The following FGF13 variants were observed in gnomAD, a reference collection of about 807,000 sequenced individuals.
FGF13 encodes fibroblast growth factor homologous factor 2.
In FGF13, 2 loss-of-function variants were observed where a neutral mutation model predicts 19.5. The observed-to-expected ratio is 0.10, with a 90% confidence interval of 0.04 to 0.32. The LOEUF (loss-of-function observed/expected upper bound fraction) is 0.32. FGF13 is among the 10% of genes least tolerant of loss of function. FGF13 has a pLI of 1.00. For synonymous variants in FGF13, 72 were observed against 76.9 expected (o/e 0.94, Z 0.33); for missense variants, 113 against 192.7 (o/e 0.59, Z 2.45).
chrX:138,759,586 G>T (rs1005235082), intron 3 of FGF13, among the ~76,000 whole-genome samples: 1 of 111,910 alleles, frequency 8.9e-6, no homozygotes, highest in Non-Finnish European at 1.9e-5. Context: ...AACCTTCTCA[G>T]TGCAGTCCCG....
intron 1 of FGF13, among the ~76,000 whole-genome samples, chrX:138,717,562 A>G (rs1485698549): frequency 3.6e-5 from 4 of 110,387 alleles, no homozygotes; most frequent in African/African-American, 1.3e-4. Context: ...TGAGAAGGCA[A>G]AGGTCCCCTC....
intron 3 of FGF13, among the ~76,000 whole-genome samples, chrX:138,812,003 C>T (rs2090929589): frequency 9.1e-6 from 1 of 109,701 alleles, no homozygotes; most frequent in Non-Finnish European, 1.9e-5. Flanking sequence ...CAACCATCAC[C>T]ACAATCAATT....
chrX:138,975,630 T>A (rs1438475362), intron 1 of FGF13, among the ~76,000 whole-genome samples: 2 of 111,214 alleles, frequency 1.8e-5, no homozygotes, highest in Non-Finnish European at 3.8e-5. Flanking sequence ...GAAGAATGGG[T>A]AGTTCTTTTG....
At chrX:139,028,573 G>A (rs1649118600) in intron 1 of FGF13, among the ~76,000 whole-genome samples, 1 of 86,545 alleles carries the variant, frequency 1.2e-5, no homozygotes, top group Non-Finnish European at 2.3e-5. Context: ...AAGAGAGAGG[G>A]AGAGAGAGCG....
rs767098638 is a variant in FGF13, at chrX:138,769,390, C to G, written c.218-60462G>C. ...TGTAACTTTTTACAAGTTACTTAAC[C>G]TCTCTGTGCTTCAGTATTGTTATAA... On this transcript the variant is annotated intron_variant, in intron 3 of 6. Coordinates refer to the FGF13 transcript ENST00000436198. 1.1e-4 allele frequency among the ~76,000 whole-genome samples: 12 copies of G among 111,854 alleles called. No homozygotes were observed. The East Asian group carries it at 3.4e-3, about 32-fold the overall frequency.
rs994638400 is a variant in FGF13, at chrX:139,073,944, T to A, written c.-113+129472A>T. Among the ~76,000 whole-genome samples the A allele has an allele frequency of 3.5e-5, 4 of 112,856 alleles. No individual in the cohort carries two copies. In the Admixed American group the frequency reaches 3.7e-4, roughly 11 times the overall value. On this transcript the variant is annotated intron_variant, in intron 1 of 2. Coordinates refer to the FGF13 transcript ENST00000421460. ...TGTTATAGCCCTGAAAGGCACTTTC[T>A]TTTTAATTCTGTTTGGAAGTGTTTG...
chrX:138,967,215 T>C (rs2091898708), intron 1 of FGF13, among the ~76,000 whole-genome samples: 1 of 110,499 alleles, frequency 9.0e-6, no homozygotes, highest in African/African-American at 3.3e-5. Flanking sequence ...TTTAACTCTT[T>C]AATACAGCAG....
intron 1 of FGF13, among the ~76,000 whole-genome samples, chrX:139,011,206 G>T (rs1249873586): frequency 9.0e-6 from 1 of 110,529 alleles, no homozygotes; most frequent in African/African-American, 3.3e-5. Context: ...TGGACTCACA[G>T]CTGAATTCTA....
At chrX:138,711,732 C>T, upstream of FGF13, 1 of 744,420 alleles carries the variant, frequency 1.3e-6, no homozygotes, top group Non-Finnish European at 1.6e-6. Context: ...TCCTTGCAGC[C>T]CCCTCCCGCG....
chrX:139,164,040 A>G (rs1462133811), intron 1 of FGF13, among the ~76,000 whole-genome samples: 3 of 110,681 alleles, frequency 2.7e-5, no homozygotes, highest in Non-Finnish European at 5.7e-5. Flanking sequence ...GGGGGCTGAC[A>G]GCTCTGAAAT....
At chrX:138,972,076 GTGTA>G (rs1271393813) in intron 1 of FGF13, among the ~76,000 whole-genome samples, 3 of 109,628 alleles carry the variant, frequency 2.7e-5, no homozygotes, top group South Asian at 3.9e-4. Flanking sequence ...GTGTGTGTGT[GTGTA>G]TATCACATTT....
chrX:139,166,524 G>C (rs1225266114), intron 1 of FGF13, among the ~76,000 whole-genome samples: 3 of 111,585 alleles, frequency 2.7e-5, no homozygotes, highest in African/African-American at 9.8e-5. Flanking sequence ...AGGCTATTTG[G>C]ATGGAATGAA....
chrX:139,199,548 A>ACC (rs2084399516), intron 1 of FGF13, among the ~76,000 whole-genome samples: 1 of 111,975 alleles, frequency 8.9e-6, no homozygotes, highest in South Asian at 3.7e-4. Flanking sequence ...ATCCTTACTT[A>ACC]CCGCCTTACA....
At chrX:139,066,108 T>C (rs1370268784) in intron 1 of FGF13, among the ~76,000 whole-genome samples, 1 of 111,813 alleles carries the variant, frequency 8.9e-6, no homozygotes, top group Non-Finnish European at 1.9e-5. Context: ...GAAATAAAGA[T>C]GTTCTTTGAA....
intron 1 of FGF13, among the ~76,000 whole-genome samples, chrX:138,916,850 T>G (rs964111692): frequency 8.9e-6 from 1 of 111,770 alleles, no homozygotes; most frequent in African/African-American, 3.3e-5. Flanking sequence ...ACATAGTGAG[T>G]TAGTGGCACA....
Position 139,060,396 on chromosome X carries a change from T to C in FGF13, c.-113+143020A>G, listed in dbSNP as rs763469270. Among the ~76,000 whole-genome samples the C allele has an allele frequency of 2.6e-4, 29 of 111,446 alleles. 1 individual carries two copies. Among genetic ancestry groups the C allele is most frequent in the African/African-American group, 8.8e-4 (27 of 30,768 alleles). Reference sequence around the variant, plus strand: ...TCTTGCAAATAAATTCTAATTCTAGTATATTTCTATAAATTAAATAACTAG... The same window carrying C: ...TCTTGCAAATAAATTCTAATTCTAGCATATTTCTATAAATTAAATAACTAG... On this transcript the variant is annotated intron_variant, in intron 1 of 2. Transcript: ENST00000421460.
intron 3 of FGF13, among the ~76,000 whole-genome samples, chrX:138,809,175 A>G (rs1349043888): frequency 4.5e-5 from 5 of 112,066 alleles, no homozygotes; most frequent in African/African-American, 1.3e-4. Flanking sequence ...TCCCTGATGA[A>G]CATTGATGCA....
At chrX:138,770,130 C>T (rs774513525) in intron 3 of FGF13, among the ~76,000 whole-genome samples, 20 of 111,922 alleles carry the variant, frequency 1.8e-4, no homozygotes, top group Non-Finnish European at 3.4e-4. Context: ...CAAGTCCTGC[C>T]ATGTATTCAA....
chrX:138,831,188 C>T (rs779007464), intron 3 of FGF13, among the ~76,000 whole-genome samples: 30 of 111,697 alleles, frequency 2.7e-4, no homozygotes, highest in Non-Finnish European at 5.5e-4. Context: ...ATGGCTTCCT[C>T]CACTTATATT....
Sources: allele counts gnomAD v4.1 joint callset (sites outside exome capture counted in the v4.1 genomes callset), GRCh38; gene constraint gnomAD v4.1.1; transcripts MANE v1.5; gene names NCBI Gene and HGNC (gene_info 2026-07-23, HGNC 2026-07-21).